Variants in KIRREL3 observed in about 807,000 individuals in gnomAD.
KIRREL3 encodes kin of IRRE-like protein 3.
Under a neutral mutation model 89.7 loss-of-function variants are expected in KIRREL3, and 36 were observed. That is an observed-to-expected ratio of 0.40 (90% CI 0.31 to 0.53). KIRREL3 has a LOEUF of 0.53. KIRREL3 is among the 20% of genes least tolerant of loss of function. The pLI is 0.49. For missense variants in KIRREL3, 864 were observed against 1,056.6 expected (o/e 0.82, Z 2.53); for synonymous variants, 445 against 441.4 (o/e 1.01, Z -0.10).
At chr11:126,849,864 C>T (rs1209976063) in intron 1 of KIRREL3, among the ~76,000 whole-genome samples, 1 of 152,182 alleles carries the variant, frequency 6.6e-6, no homozygotes, top group Non-Finnish European at 1.5e-5. Context: ...CAGTGAGGTC[C>T]ATCCATTTTC....
At chr11:126,482,628 C>T (rs148438732) in intron 4 of KIRREL3, among the ~76,000 whole-genome samples, 4 of 152,312 alleles carry the variant, frequency 2.6e-5, no homozygotes, top group Non-Finnish European at 4.4e-5. Context: ...AGGCGATAGA[C>T]GGGCAGGGGA....
intron 1 of KIRREL3, among the ~76,000 whole-genome samples, chr11:126,767,140 A>C (rs1282486268): frequency 1.3e-5 from 2 of 152,238 alleles, no homozygotes; most frequent in Non-Finnish European, 2.9e-5. Context: ...TGGGAGACAA[A>C]AGGACCAGTA....
At position 126,501,469 on chromosome 11, in the gene KIRREL3, T is replaced by C. The variant is rs910373200; in HGVS notation, c.433+19846A>G. 3.9e-5 allele frequency among the ~76,000 whole-genome samples: 6 copies of C among 152,106 alleles called. No homozygotes were observed. The highest frequency in any genetic ancestry group is 1.4e-4 in the African/African-American group (6 of 41,402). Reference sequence around the variant, plus strand: ...GAAGGCAGAGCGCAGGTCGAGCAGATTCTACCGCAGCCCGTCCTGGGTCCT... The same window carrying C: ...GAAGGCAGAGCGCAGGTCGAGCAGACTCTACCGCAGCCCGTCCTGGGTCCT... On this transcript the variant is annotated intron_variant, in intron 4 of 16. Coordinates refer to ENST00000525144, the MANE Select transcript of KIRREL3 (RefSeq NM_032531.4). This position sits in a 1 kb window ranked among gnomAD's most constrained non-coding sequence, Gnocchi z 5.8.
rs1211015239 is a variant in KIRREL3, at chr11:126,427,030, C to A, written c.1807-1306G>T. 6.6e-6 allele frequency among the ~76,000 whole-genome samples: 1 copy of A among 152,140 alleles called. No homozygotes were observed. The highest frequency in any genetic ancestry group is 1.5e-5 in the Non-Finnish European group (1 of 68,034). On this transcript the variant is annotated intron_variant, in intron 15 of 16. Transcript: ENST00000525144. The surrounding 1 kb of genome is among the most constrained non-coding windows in gnomAD (Gnocchi z 5.3). ...AGCCCTCAGCAAGTCCCTTCTGCTCCCACCTGACACTGAGCTGCCCCCACT... is the reference window on the plus strand; with the variant it reads ...AGCCCTCAGCAAGTCCCTTCTGCTCACACCTGACACTGAGCTGCCCCCACT...
At chr11:126,765,666 C>T (rs78746012) in intron 1 of KIRREL3, among the ~76,000 whole-genome samples, 29 of 152,246 alleles carry the variant, frequency 1.9e-4, no homozygotes, top group East Asian at 1.2e-3. Context: ...TTAATGAGGT[C>T]GAAGGCCAGG....
At chr11:126,450,990 A>AGC (rs1956080295) in intron 7 of KIRREL3, among the ~76,000 whole-genome samples, 1 of 126,690 alleles carries the variant, frequency 7.9e-6, no homozygotes, top group Admixed American at 7.9e-5. Context: ...TGCATGTGTC[A>AGC]ATGTGCATGT....
At chr11:126,451,529 CATGTGTG>C (rs1565465016) in intron 7 of KIRREL3, among the ~76,000 whole-genome samples, 2 of 133,392 alleles carry the variant, frequency 1.5e-5, no homozygotes, top group East Asian at 4.7e-4. Context: ...TGAGTGGGTG[CATGTGTG>C]AGAGTGTGCA....
chr11:126,938,088 G>A (rs1157166054), intron 1 of KIRREL3, among the ~76,000 whole-genome samples: 1 of 152,134 alleles, frequency 6.6e-6, no homozygotes, highest in Non-Finnish European at 1.5e-5. Context: ...ATCCCTACTT[G>A]TTTATACCAT....
chr11:126,835,850 T>C (rs961955974), intron 1 of KIRREL3, among the ~76,000 whole-genome samples: 4 of 152,148 alleles, frequency 2.6e-5, no homozygotes, highest in Non-Finnish European at 5.9e-5. Context: ...GGGCTTTGGC[T>C]CTCGAGGCAC....
intron 1 of KIRREL3, among the ~76,000 whole-genome samples, chr11:126,878,635 G>GAA (rs141228232): frequency 6.9e-6 from 1 of 144,962 alleles, no homozygotes; most frequent in Non-Finnish European, 1.5e-5. Flanking sequence ...AGGAGCAAAA[G>GAA]AAAAAAAAAA....
At chr11:126,602,617 G>A (rs577149) in intron 1 of KIRREL3, among the ~76,000 whole-genome samples, 36,750 of 152,016 alleles carry the variant, frequency 0.24, 5,249 homozygotes, top group South Asian at 0.42. Context: ...GATCTCTCCC[G>A]TCTGTCACAG....
intron 1 of KIRREL3, among the ~76,000 whole-genome samples, chr11:126,901,250 A>G (rs1273286052): frequency 6.6e-6 from 1 of 150,968 alleles, no homozygotes; most frequent in Non-Finnish European, 1.5e-5. Context: ...GGATATTCCT[A>G]TAACCAGCAC....
At position 126,772,578 on chromosome 11, in the gene KIRREL3, G is replaced by A. The variant is rs1950050813; in HGVS notation, c.56-209666C>T. On this transcript the variant is annotated intron_variant, in intron 1 of 16. Transcript: ENST00000525144. The surrounding 1 kb of genome is among the most constrained non-coding windows in gnomAD (Gnocchi z 4.6). ...GGCTCACAGAGTGGGAAGGGCAGAT[G>A]AGCAGAATCAACGTGGGCAGGAAAG... 6.6e-6 allele frequency among the ~76,000 whole-genome samples: 1 copy of A among 152,230 alleles called. No individual in the cohort carries two copies. The highest frequency in any genetic ancestry group is 1.5e-5 in the Non-Finnish European group (1 of 68,042).
At chr11:126,573,779 G>A (rs918261941) in intron 1 of KIRREL3, among the ~76,000 whole-genome samples, 3 of 152,148 alleles carry the variant, frequency 2.0e-5, no homozygotes, top group African/African-American at 7.2e-5. Flanking sequence ...AAACAAGAAA[G>A]CTCAAATGCA....
chr11:126,629,383 G>A (rs970356820), intron 1 of KIRREL3, among the ~76,000 whole-genome samples: 1 of 152,118 alleles, frequency 6.6e-6, no homozygotes, highest in African/African-American at 2.4e-5. Context: ...TGAAGCTCTG[G>A]GGGGAGCTCT....
rs977371879 is a variant in KIRREL3, at chr11:126,574,892, G to A, written c.56-11980C>T. On this transcript the variant is annotated intron_variant, in intron 1 of 16. Coordinates refer to ENST00000525144, the MANE Select transcript of KIRREL3 (RefSeq NM_032531.4). The surrounding 1 kb of genome is among the most constrained non-coding windows in gnomAD (Gnocchi z 5.3). ...ACGAGAAAATACCTGGGTCCACACT[G>A]GCAATTCCTGGGTCTATTCTGGAAC... Among the ~76,000 whole-genome samples, 1 of 152,162 alleles carries A rather than the reference G, an allele frequency of 6.6e-6. No individual in the cohort carries two copies. The highest frequency in any genetic ancestry group is 2.4e-5 in the African/African-American group (1 of 41,430).
chr11:126,921,318 G>T (rs1045377801), intron 1 of KIRREL3, among the ~76,000 whole-genome samples: 2 of 152,160 alleles, frequency 1.3e-5, no homozygotes, highest in Non-Finnish European at 2.9e-5. Flanking sequence ...CTTGCAGAAG[G>T]TTTATCATGG....
intron 1 of KIRREL3, among the ~76,000 whole-genome samples, chr11:126,825,929 A>G (rs1943390803): frequency 6.6e-6 from 1 of 152,178 alleles, no homozygotes; most frequent in Non-Finnish European, 1.5e-5. Context: ...CCTCTTGAGG[A>G]ATAATCATAT....
Position 126,463,447 on chromosome 11 carries a change from G to T in KIRREL3, c.592-140C>A. The T allele has an allele frequency of 1.2e-6, 1 of 840,280 alleles. No individual in the cohort carries two copies. The highest frequency in any genetic ancestry group is 1.8e-6 in the Non-Finnish European group (1 of 551,610). The allele number at this position is 840,280 out of a possible 1,614,324, so 52.1% of individuals were successfully genotyped here. A position where few individuals can be genotyped will look rare whatever the true frequency, so the allele number is the denominator to read the frequency against. ...GGGTTCAGCTTAGGAGACCTGGGCT[G>T]CCCATGTCTACGCAGAGCTCGGGGG... On this transcript the variant is annotated intron_variant, in intron 5 of 16. Transcript: ENST00000525144. This position sits in a 1 kb window ranked among gnomAD's most constrained non-coding sequence, Gnocchi z 5.9.
Sources: gnomAD v4.1 joint callset for allele counts (sites outside exome capture counted in the v4.1 genomes callset) on GRCh38, gnomAD v4.1.1 for gene constraint, Gnocchi (gnomAD v3.1) non-coding constraint, MANE v1.5 for transcripts, NCBI Gene and HGNC (gene_info 2026-07-23, HGNC 2026-07-21) for gene names.